Variants in RIPOR2 observed in about 807,000 individuals in gnomAD.
The protein encoded by RIPOR2 is RHO family interacting cell polarization regulator 2.
Under a neutral mutation model 114.5 loss-of-function variants are expected in RIPOR2, and 39 were observed. The observed-to-expected ratio is 0.34, with a 90% CI of 0.26 to 0.44. The LOEUF (loss-of-function observed/expected upper bound fraction) is 0.44, where lower values mean the gene tolerates loss of function less well. RIPOR2 is among the 20% of genes least tolerant of loss of function. The pLI is 1.00. For missense variants in RIPOR2, 1,007 were observed against 1,255.1 expected, an observed-to-expected ratio of 0.80 and a Z score of 2.99; for synonymous variants, 445 against 484.4, an observed-to-expected ratio of 0.92 and a Z score of 1.07.
chr6:24,912,012 G>A (rs1319177908), intron 1 of RIPOR2, among the ~76,000 whole-genome samples: 1 of 152,198 alleles, frequency 6.6e-6, no homozygotes, highest in African/African-American at 2.4e-5. Context: ...TGTCAACATG[G>A]GAAACACCCA....
intron 1 of RIPOR2, among the ~76,000 whole-genome samples, chr6:25,005,688 T>C (rs1190548982): frequency 8.8e-6 from 1 of 113,088 alleles, no homozygotes; most frequent in Admixed American, 9.8e-5. Flanking sequence ...ATAAAATCCC[T>C]ATGGAGATAT....
At position 24,825,217 on chromosome 6, in the gene RIPOR2, G is replaced by A. The variant is rs1038645084; in HGVS notation, c.2868+9C>T. 11 of 1,546,420 alleles carry A rather than the reference G, an allele frequency of 7.1e-6. No homozygotes were observed. The African/African-American group carries it at 1.5e-4, about 21-fold the overall frequency. ...CTTCTGGCTTGATGGCCATGGTTTA[G>A]TGTCTTACCTTTTCCCTGAAATGCT... On this transcript the variant is annotated intron_variant, in intron 19 of 21. Transcript: ENST00000643898.
chr6:24,935,678 G>T (rs546009993), intron 1 of RIPOR2, among the ~76,000 whole-genome samples, 160 bp downstream of exon 1: 1 of 152,306 alleles, frequency 6.6e-6, no homozygotes, highest in African/African-American at 2.4e-5. Context: ...TATTCCTTCA[G>T]TGCCTAAGTT....
At chr6:24,828,068 T>G in intron 18 of RIPOR2, 69 bp downstream of exon 18, 4 of 1,306,674 alleles carry the variant, frequency 3.1e-6, no homozygotes, top group Non-Finnish European at 4.1e-6. Context: ...CCAAAAGCCA[T>G]GATTTAAAAG....
intron 2 of RIPOR2, 132 bp downstream of exon 2, chr6:24,875,559 T>G: frequency 1.3e-6 from 1 of 779,936 alleles, no homozygotes; most frequent in Non-Finnish European, 2.0e-6. Flanking sequence ...ATCCTTTCCA[T>G]GAAAAAGATT....
At chr6:24,975,136 T>C (rs190912492) in intron 1 of RIPOR2, among the ~76,000 whole-genome samples, 36 of 152,368 alleles carry the variant, frequency 2.4e-4, no homozygotes, top group Non-Finnish European at 2.9e-4. Flanking sequence ...ATTGGTGAAC[T>C]GTACGGTATG....
intron 1 of RIPOR2, among the ~76,000 whole-genome samples, chr6:24,944,195 T>G (rs569992300): frequency 1.7e-4 from 26 of 152,296 alleles, no homozygotes; most frequent in African/African-American, 5.1e-4. Context: ...GTCTGACCAC[T>G]GGCTAACCTT....
intron 20 of RIPOR2, among the ~76,000 whole-genome samples, chr6:24,810,287 C>T (rs1781059290): frequency 1.3e-5 from 2 of 152,170 alleles, no homozygotes; most frequent in Non-Finnish European, 2.9e-5. Context: ...TGATGATCAG[C>T]TAAATTCCTC....
intron 1 of RIPOR2, among the ~76,000 whole-genome samples, chr6:24,983,781 A>AAAAAAC: frequency 6.8e-6 from 1 of 146,924 alleles, no homozygotes; most frequent in Non-Finnish European, 1.5e-5. Context: ...AAAAAAAAAA[A>AAAAAAC]GCCTTGAGTA....
intron 1 of RIPOR2, among the ~76,000 whole-genome samples, chr6:24,974,644 T>C (rs1280708610): frequency 1.3e-5 from 2 of 152,160 alleles, no homozygotes; most frequent in Non-Finnish European, 2.9e-5. Flanking sequence ...GCAATTCCAT[T>C]CCCAGTTATA....
chr6:24,925,296 A>G (rs73731445), intron 1 of RIPOR2, among the ~76,000 whole-genome samples: 54 of 152,336 alleles, frequency 3.5e-4, no homozygotes, highest in African/African-American at 1.3e-3. Context: ...TCACGGGGCT[A>G]TCTGTGTCTA....
At position 24,970,137 on chromosome 6, in the gene RIPOR2, G is replaced by T. The variant is rs1244436384; in HGVS notation, c.76+71714C>A. On this transcript the variant is annotated intron_variant, in intron 1 of 13. Coordinates refer to the RIPOR2 transcript ENST00000510784. ...CTTCAGGGCTGAGCACCTCATGGAAGTTGGAGGGGGAAAGAAAGGGGACGA... is the reference window on the plus strand; with the variant it reads ...CTTCAGGGCTGAGCACCTCATGGAATTTGGAGGGGGAAAGAAAGGGGACGA... Among the ~76,000 whole-genome samples, 3 of 130,484 alleles carry T rather than the reference G, an allele frequency of 2.3e-5. No individual in the cohort carries two copies. In the East Asian group the frequency reaches 6.9e-4, roughly 30 times the overall value. 85.6% of individuals were successfully genotyped at this position (130,484 alleles called of 152,430 possible). A position where few individuals can be genotyped will look rare whatever the true frequency, so the allele number is the denominator to read the frequency against.
At chr6:24,979,407 C>T (rs1774205282) in intron 1 of RIPOR2, among the ~76,000 whole-genome samples, 1 of 150,856 alleles carries the variant, frequency 6.6e-6, no homozygotes. Flanking sequence ...TCTTCCAAGT[C>T]ATCCCAGTCC....
At chr6:24,905,658 A>G (rs1434118279) in intron 1 of RIPOR2, among the ~76,000 whole-genome samples, 4 of 152,244 alleles carry the variant, frequency 2.6e-5, no homozygotes, top group African/African-American at 4.8e-5. Context: ...CAAAAAGTAG[A>G]TAAATCAAGC....
At chr6:24,838,589 C>T (rs1394891877) in intron 14 of RIPOR2, among the ~76,000 whole-genome samples, 2 of 152,084 alleles carry the variant, frequency 1.3e-5, no homozygotes, top group African/African-American at 4.8e-5. Context: ...GTCAGGAGTT[C>T]AAGACCAGCT....
chr6:24,952,402 ATAAC>A (rs1048493254), intron 1 of RIPOR2, among the ~76,000 whole-genome samples: 1 of 152,186 alleles, frequency 6.6e-6, no homozygotes, highest in Non-Finnish European at 1.5e-5. Flanking sequence ...TAAAAACTAA[ATAAC>A]TAGCTCTGAG....
chr6:24,933,298 C>T (rs1200988905), intron 1 of RIPOR2, among the ~76,000 whole-genome samples: 38 of 152,128 alleles, frequency 2.5e-4, no homozygotes, highest in Admixed American at 2.5e-3. Flanking sequence ...ACACTTAAGC[C>T]ACACACAGCC....
At chr6:25,035,311 ACTC>A (rs1448112992) in intron 1 of RIPOR2, among the ~76,000 whole-genome samples, 1 of 152,138 alleles carries the variant, frequency 6.6e-6, no homozygotes, top group Non-Finnish European at 1.5e-5. Flanking sequence ...CTTGGGGTAA[ACTC>A]CTCACTGACC....
intron 21 of RIPOR2, among the ~76,000 whole-genome samples, chr6:24,807,994 A>G (rs1440281112): frequency 6.6e-6 from 1 of 152,222 alleles, no homozygotes; most frequent in Non-Finnish European, 1.5e-5. Flanking sequence ...TTTATATTAG[A>G]ATCACCTGGG....
Sources: gnomAD v4.1 joint callset for allele counts (sites outside exome capture counted in the v4.1 genomes callset) on GRCh38, gnomAD v4.1.1 for gene constraint, MANE v1.5 for transcripts, NCBI Gene and HGNC (gene_info 2026-07-23, HGNC 2026-07-21) for gene names.